ATE1: variants seen among roughly 807,000 people sequenced by gnomAD.
ATE1 encodes arginyltransferase 1.
A neutral mutation model predicts 70.5 loss-of-function variants in ATE1; 36 were observed. That is an observed-to-expected ratio of 0.51 (90% confidence interval 0.39 to 0.67). ATE1 has a LOEUF of 0.67. Ranked by LOEUF, ATE1 falls within the 30% of genes least tolerant of loss-of-function variation. The pLI is 0.00. For missense variants in ATE1, 593 were observed against 629.5 expected, an observed-to-expected ratio of 0.94 and a Z score of 0.62; for synonymous variants, 232 against 219.3, an observed-to-expected ratio of 1.06 and a Z score of -0.51.
intron 11 of ATE1, among the ~76,000 whole-genome samples, chr10:121,751,900 T>G (rs1944594234): frequency 6.6e-6 from 1 of 152,056 alleles, no homozygotes; most frequent in East Asian, 1.9e-4. Flanking sequence ...TGATGAAGAT[T>G]TACTCCAATG....
At chr10:121,835,976 T>C (rs1165706018) in intron 10 of ATE1, among the ~76,000 whole-genome samples, 1 of 152,170 alleles carries the variant, frequency 6.6e-6, no homozygotes, top group East Asian at 1.9e-4. Flanking sequence ...TCTACAACTG[T>C]TGATGACTCC....
chr10:121,748,958 C>T (rs1944473321), intron 11 of ATE1, among the ~76,000 whole-genome samples: 1 of 152,050 alleles, frequency 6.6e-6, no homozygotes, highest in African/African-American at 2.4e-5. Context: ...AATTCTATCA[C>T]CAACACACAG....
intron 11 of ATE1, among the ~76,000 whole-genome samples, chr10:121,770,754 CTT>C (rs1945482967): frequency 6.8e-6 from 1 of 147,058 alleles, no homozygotes; most frequent in Non-Finnish European, 1.5e-5. Flanking sequence ...AAAAAAAACT[CTT>C]ATTAGAACCT....
At position 121,910,890 on chromosome 10, in the gene ATE1, C is replaced by CA; in HGVS notation, c.583+15dup. On this transcript the variant is annotated intron_variant, in intron 5 of 11. Coordinates refer to ENST00000224652, the MANE Select transcript of ATE1 (RefSeq NM_001001976.3). The stretch of plus-strand genomic sequence containing the variant: ...CAAAGCCGTGAATATGACTTGGTAT[C>CA]AAAAATCTTTACTACCTGGCTTAGG... 1 of 1,612,572 alleles carries CA rather than the reference C, an allele frequency of 6.2e-7. No homozygotes were observed. The highest frequency in any genetic ancestry group is 8.5e-7 in the Non-Finnish European group (1 of 1,179,746).
intron 7 of ATE1, among the ~76,000 whole-genome samples, chr10:121,880,267 T>C (rs914508523): frequency 6.6e-6 from 1 of 151,988 alleles, no homozygotes; most frequent in African/African-American, 2.4e-5. Context: ...TCTTGTCAGG[T>C]ACATGTATTA....
chr10:121,885,504 A>G (rs1226364104), intron 7 of ATE1, among the ~76,000 whole-genome samples: 3 of 133,268 alleles, frequency 2.3e-5, no homozygotes, highest in African/African-American at 8.5e-5. Flanking sequence ...TGGGAGGTGG[A>G]GCTTGCAGTG....
At chr10:121,778,930 G>A (rs1945862705) in intron 11 of ATE1, among the ~76,000 whole-genome samples, 1 of 152,026 alleles carries the variant, frequency 6.6e-6, no homozygotes, top group Admixed American at 6.6e-5. Flanking sequence ...GCTAAAAAAC[G>A]TGGATGTTGT....
chr10:121,924,984 G>A (rs957210913), intron 1 of ATE1, among the ~76,000 whole-genome samples: 11 of 152,150 alleles, frequency 7.2e-5, no homozygotes, highest in African/African-American at 2.7e-4. Context: ...GATTTAACAT[G>A]CTGGTCTCTT....
At chr10:121,918,402 C>T (rs368147309) in intron 3 of ATE1, among the ~76,000 whole-genome samples, 10 of 151,814 alleles carry the variant, frequency 6.6e-5, no homozygotes, top group South Asian at 2.1e-4. Flanking sequence ...TTTGATGCCA[C>T]GTAAAATGCA....
intron 8 of ATE1, 37 bp from the exon 9 acceptor site, chr10:121,841,300 A>G: frequency 7.9e-7 from 1 of 1,273,644 alleles, no homozygotes. Context: ...CCATTTTTTT[A>G]ATATTAAAAT....
intron 11 of ATE1, among the ~76,000 whole-genome samples, chr10:121,786,201 A>G (rs1946198237): frequency 8.5e-6 from 1 of 117,754 alleles, no homozygotes; most frequent in Non-Finnish European, 1.7e-5. Flanking sequence ...TGCTCAAGAA[A>G]GTTTTTTTTT....
At chr10:121,776,817 G>C (rs1945765010) in intron 11 of ATE1, among the ~76,000 whole-genome samples, 1 of 152,218 alleles carries the variant, frequency 6.6e-6, no homozygotes, top group Admixed American at 6.5e-5. Flanking sequence ...GACTACAGTT[G>C]AGAGTTTGGA....
intron 1 of ATE1, chr10:121,927,238 C>T (rs1952129605): frequency 1.0e-6 from 1 of 985,156 alleles, no homozygotes; most frequent in African/African-American, 1.7e-5. Flanking sequence ...AGGAAAGACA[C>T]GGCATATAAG....
chr10:121,854,789 C>T (rs979938035), intron 8 of ATE1, among the ~76,000 whole-genome samples: 3 of 152,088 alleles, frequency 2.0e-5, no homozygotes, highest in Admixed American at 6.6e-5. Context: ...AGCAGCCTGG[C>T]GAAAACTCGG....
In ATE1 at chr10:121,774,255, C is replaced by T. The variant is rs117414007; in HGVS notation, c.1378+15914G>A. 7.2e-3 allele frequency among the ~76,000 whole-genome samples: 1,088 copies of T among 152,132 alleles called. 7 individuals carry two copies. Among genetic ancestry groups the T allele is most frequent in the Non-Finnish European group, 0.011 (746 of 67,992 alleles). ...TGGACTGCATGAACTTTTAAAAACA[C>T]GCATTATTTTAAATGATTATGCAAA... On this transcript the variant is annotated intron_variant, in intron 11 of 11. Coordinates refer to ENST00000224652, the MANE Select transcript of ATE1 (RefSeq NM_001001976.3).
Position 121,843,109 on chromosome 10 carries a change from T to C in ATE1, c.976-1846A>G, listed in dbSNP as rs984228204. 5.3e-5 allele frequency among the ~76,000 whole-genome samples: 8 copies of C among 152,204 alleles called. No homozygotes were observed. In the South Asian group the frequency reaches 8.3e-4, roughly 16 times the overall value. The stretch of plus-strand genomic sequence containing the variant: ...AATCAGTAACAACAAAAAATTGAAA[T>C]AAGCAATTACAGCAAGGTCCCAGAA... On this transcript the variant is annotated intron_variant, in intron 8 of 11. Coordinates refer to ENST00000224652, the MANE Select transcript of ATE1 (RefSeq NM_001001976.3).
intron 5 of ATE1, 152 bp downstream of exon 5, chr10:121,910,754 C>T: frequency 1.0e-6 from 1 of 1,002,960 alleles, no homozygotes; most frequent in South Asian, 1.5e-5. Flanking sequence ...ATTTGTCCAT[C>T]TAATTCTAGG....
intron 3 of ATE1, among the ~76,000 whole-genome samples, chr10:121,915,241 G>C (rs11200254): frequency 6.6e-6 from 1 of 151,926 alleles, no homozygotes; most frequent in African/African-American, 2.4e-5. Context: ...AAGAGTCTGA[G>C]AACAAAAACA....
intron 11 of ATE1, among the ~76,000 whole-genome samples, chr10:121,778,866 G>T (rs538426822): frequency 1.3e-5 from 2 of 152,158 alleles, no homozygotes; most frequent in African/African-American, 4.8e-5. Context: ...GCCTCCCAAA[G>T]TTCTGGGATT....
Sources: gnomAD v4.1 joint callset for allele counts (sites outside exome capture counted in the v4.1 genomes callset) on GRCh38, gnomAD v4.1.1 for gene constraint, MANE v1.5 for transcripts, NCBI Gene and HGNC (gene_info 2026-07-23, HGNC 2026-07-21) for gene names.